PRH1: variants seen among roughly 807,000 people sequenced by gnomAD.
PRH1 encodes proline rich protein HaeIII subfamily 1, also known as salivary acidic proline-rich phosphoprotein 1/2.
Under a neutral mutation model 7.9 loss-of-function variants are expected in PRH1, and 7 were observed. The ratio of observed to expected loss-of-function variants is 0.89; its 90% CI spans 0.50 to 1.67. The LOEUF (loss-of-function observed/expected upper bound fraction) is 1.67. PRH1 is among the 40% of genes most tolerant of loss of function. The probability of loss-of-function intolerance (pLI) is 0.00; values close to 1 mark genes in which losing one functional copy is unlikely to be tolerated. For missense variants in PRH1, 109 were observed against 223.6 expected (o/e 0.49, Z 3.27); for synonymous variants, 45 against 80.8 (o/e 0.56, Z 2.38).
chr12:10,997,657 T>C, intron 1 of PRH1: 2 of 1,613,664 alleles, frequency 1.2e-6, no homozygotes, highest in Non-Finnish European at 1.7e-6. Flanking sequence ...TAGATGAAGT[T>C]GGATTCAACA....
intron 2 of PRH1, chr12:10,908,699 C>T (rs1184687952): frequency 1.2e-6 from 2 of 1,613,556 alleles, no homozygotes; most frequent in Non-Finnish European, 1.7e-6. Context: ...AGAAAATTAA[C>T]AGGAGAAAAG....
chr12:10,988,038 C>T (rs1442125354), intron 1 of PRH1, among the ~76,000 whole-genome samples: 3 of 152,142 alleles, frequency 2.0e-5, no homozygotes, highest in Non-Finnish European at 2.9e-5. Flanking sequence ...GGCTAGTACA[C>T]TGTTTTCAGA....
intron 1 of PRH1, among the ~76,000 whole-genome samples, chr12:10,979,780 T>C (rs1939267474): frequency 6.6e-6 from 1 of 152,234 alleles, no homozygotes; most frequent in Admixed American, 6.5e-5. Flanking sequence ...GGATTCTGTA[T>C]GTTTTTGAAG....
chr12:11,071,044 A>C (rs72477421), intron 1 of PRH1, among the ~76,000 whole-genome samples: 19,166 of 65,642 alleles, frequency 0.29, 2,698 homozygotes, highest in Non-Finnish European at 0.37. Flanking sequence ...CTGCTTAGCC[A>C]TTCATAAATG....
intron 1 of PRH1, among the ~76,000 whole-genome samples, chr12:10,988,063 T>G (rs1939739715): frequency 6.6e-6 from 1 of 152,130 alleles, no homozygotes; most frequent in South Asian, 2.1e-4. Flanking sequence ...GAATGAAAAC[T>G]AATGGAGTCA....
chr12:11,098,497 T>A (rs1945129369), intron 1 of PRH1, among the ~76,000 whole-genome samples: 1 of 152,228 alleles, frequency 6.6e-6, no homozygotes, highest in Non-Finnish European at 1.5e-5. Context: ...AATAAGAACG[T>A]ACTCTCTTTC....
In PRH1 at chr12:11,067,291, T is replaced by C. The variant is rs568908099; in HGVS notation, n.124-20103A>G. Reference sequence around the variant, plus strand: ...GTACACATGATTAGTATTGTGAAATTAGAATGCTAACAATATGAATACAAA... The same window carrying C: ...GTACACATGATTAGTATTGTGAAATCAGAATGCTAACAATATGAATACAAA... On this transcript the variant is annotated intron_variant and non_coding_transcript_variant, in intron 1 of 4. Coordinates refer to the PRH1 transcript ENST00000541977. Among the ~76,000 whole-genome samples the C allele has an allele frequency of 3.4e-4, 52 of 152,332 alleles. 1 individual carries two copies. Among genetic ancestry groups the C allele is most frequent in the African/African-American group, 1.3e-3 (52 of 41,582 alleles).
In PRH1 at chr12:10,944,020, T is replaced by C. The variant is rs144493714; in HGVS notation, c.-59+29635A>G. 4.2e-3 allele frequency among the ~76,000 whole-genome samples: 634 copies of C among 152,332 alleles called. 6 individuals carry two copies. Among genetic ancestry groups the C allele is most frequent in the African/African-American group, 0.015 (609 of 41,578 alleles). ...GGGTAATGTGATTCCTCTAGCTTTG[T>C]TAGCTCTGTTGTTTTCACTTAGTAT... On this transcript the variant is annotated intron_variant, in intron 2 of 3. Transcript: ENST00000539853.
intron 2 of PRH1, among the ~76,000 whole-genome samples, chr12:10,954,942 A>G (rs1937877435): frequency 6.6e-6 from 1 of 152,246 alleles, no homozygotes; most frequent in South Asian, 2.1e-4. Context: ...GCAAGTTCTC[A>G]GAGACCTATT....
At chr12:11,020,795 T>C (rs182867673) in intron 1 of PRH1, among the ~76,000 whole-genome samples, 3 of 152,264 alleles carry the variant, frequency 2.0e-5, no homozygotes, top group Admixed American at 2.0e-4. Context: ...TTGAGGAATA[T>C]TAGGAATGGG....
chr12:11,063,549 TA>T (rs199881531), intron 1 of PRH1, among the ~76,000 whole-genome samples: 1 of 151,760 alleles, frequency 6.6e-6, no homozygotes, highest in Admixed American at 6.6e-5. Flanking sequence ...AAACCCAGCT[TA>T]AAAAAAATGA....
At chr12:11,007,872 G>A (rs1175684074) in intron 1 of PRH1, among the ~76,000 whole-genome samples, 1 of 152,032 alleles carries the variant, frequency 6.6e-6, no homozygotes, top group Admixed American at 6.6e-5. Context: ...TTACCAGAGT[G>A]ATCCACCCAA....
chr12:10,979,477 G>A (rs1939253297), intron 1 of PRH1, among the ~76,000 whole-genome samples: 2 of 152,072 alleles, frequency 1.3e-5, no homozygotes, highest in Non-Finnish European at 2.9e-5. Context: ...CATGGGATGA[G>A]CCAGGTGTGT....
chr12:10,909,154 T>C (rs760357694), intron 2 of PRH1: 1 of 1,613,986 alleles, frequency 6.2e-7, no homozygotes, highest in South Asian at 1.1e-5. Context: ...GCCAAGATAA[T>C]GAGGAGTTTA....
chr12:10,948,938 T>G (rs1950528899), intron 2 of PRH1, among the ~76,000 whole-genome samples: 1 of 152,120 alleles, frequency 6.6e-6, no homozygotes, highest in Non-Finnish European at 1.5e-5. Flanking sequence ...ACACTTATGC[T>G]TATTGGTCAG....
intron 2 of PRH1, among the ~76,000 whole-genome samples, chr12:10,970,275 C>G (rs1488266751): frequency 1.3e-5 from 2 of 152,114 alleles, no homozygotes; most frequent in Non-Finnish European, 2.9e-5. Flanking sequence ...TATGTGTGCA[C>G]ATACTATGAT....
Position 11,089,302 on chromosome 12 carries a change from C to A in PRH1, n.124-42114G>T, listed in dbSNP as rs1279658758. Among the ~76,000 whole-genome samples, 2 of 116,078 alleles carry A rather than the reference C, an allele frequency of 1.7e-5. 1 individual carries two copies. The highest frequency in any genetic ancestry group is 4.1e-5 in the Non-Finnish European group (2 of 49,008). 76.2% of individuals were successfully genotyped at this position (116,078 alleles called of 152,430 possible). On this transcript the variant is annotated intron_variant and non_coding_transcript_variant, in intron 1 of 4. Coordinates refer to the PRH1 transcript ENST00000541977. ...AACAACAGAGATGATAGTTCTGCCT[C>A]AAGGAAACCCTGACCAATAAGAAAT... is the stretch of plus-strand genomic sequence containing the variant.
intron 2 of PRH1, among the ~76,000 whole-genome samples, chr12:10,889,682 T>C (rs981741451): frequency 6.6e-6 from 1 of 152,212 alleles, no homozygotes; most frequent in Non-Finnish European, 1.5e-5. Flanking sequence ...ATATTCATGA[T>C]ATGATGTATA....
chr12:10,958,000 T>A (rs1011366457), intron 2 of PRH1, among the ~76,000 whole-genome samples: 10 of 152,282 alleles, frequency 6.6e-5, no homozygotes, highest in African/African-American at 2.4e-4. Context: ...GAAATCAGCA[T>A]GGCAATTTTC....
Sources: allele counts gnomAD v4.1 joint callset (sites outside exome capture counted in the v4.1 genomes callset), GRCh38; gene constraint gnomAD v4.1.1; transcripts MANE v1.5; gene names NCBI Gene and HGNC (gene_info 2026-07-23, HGNC 2026-07-21).